The following SBNO1 variants were observed in gnomAD, a reference collection of about 807,000 sequenced individuals.
SBNO1 encodes protein strawberry notch homolog 1.
Under a neutral mutation model 173.6 loss-of-function variants are expected in SBNO1, and 23 were observed. That is an observed-to-expected ratio of 0.13 (90% CI 0.10 to 0.19). The LOEUF (loss-of-function observed/expected upper bound fraction) is 0.19. SBNO1 is among the 10% of genes least tolerant of loss of function. The pLI, the probability that SBNO1 is intolerant of heterozygous loss-of-function variation, is 1.00. For synonymous variants in SBNO1, 632 were observed against 571.5 expected (o/e 1.11, Z -1.51); for missense variants, 1,238 against 1,671.2 (o/e 0.74, Z 4.52).
In SBNO1 at chr12:123,304,658, A is replaced by T. The variant is rs569461126; in HGVS notation, c.3692T>A (p.Phe1231Tyr). The T allele has an allele frequency of 8.2e-5, 129 of 1,570,986 alleles. 1 individual carries two copies. The Admixed American group carries it at 1.6e-3, about 19-fold the overall frequency. Reference sequence around the variant, plus strand: ...CCCAGTATTTGGTCGATAAACTAAGAAAAGTTTCTTTTTAGGATTCACTTC... The same window carrying T: ...CCCAGTATTTGGTCGATAAACTAAGTAAAGTTTCTTTTTAGGATTCACTTC... ...VKEVNPKKKL[F>Y]LVYRPNTGKQ... Residue 1231 changes from phenylalanine to tyrosine, a missense_variant, in exon 29 of 32, where the codon TTC becomes TAC. Coordinates refer to ENST00000602398, the MANE Select transcript of SBNO1 (RefSeq NM_001167856.3).
Position 123,294,670 on chromosome 12 carries a change from G to GAAAAGAAAGA in SBNO1, c.*1228_*1237dup, listed in dbSNP as rs1555243032. 1,412 of 98,560 alleles carry GAAAAGAAAGA rather than the reference G, an allele frequency of 0.014. 13 individuals carry two copies. Among genetic ancestry groups the GAAAAGAAAGA allele is most frequent in the African/African-American group, 0.052 (1,267 of 24,226 alleles). 6.1% of individuals were successfully genotyped at this position (98,560 alleles called of 1,614,324 possible). A position where few individuals can be genotyped will look rare whatever the true frequency, so the allele number is the denominator to read the frequency against. On this transcript the variant is annotated 3_prime_UTR_variant, in exon 32 of 32. Transcript: ENST00000602398. Reference sequence around the variant, plus strand: ...AAAAAAAAAAAAAAAAAGAAAAAAAGAAAAGAAAGAAAAAGAAAGAAAAGA... The same window carrying GAAAAGAAAGA: ...AAAAAAAAAAAAAAAAAGAAAAAAAGAAAAGAAAGAAAAAGAAAGAAAAAGAAAGAAAAGA...
chr12:123,311,140 A>G lies in SBNO1; in HGVS notation c.3221-11T>C. 6.2e-7 allele frequency: 1 copy of G among 1,604,858 alleles called. No individual in the cohort carries two copies. The highest frequency in any genetic ancestry group is 8.5e-7 in the Non-Finnish European group (1 of 1,171,674). ...GTCCTTGTCGAACATCTGTAAGAAC[A>G]GGATCAATTCTGACTCATAAATTAC... On this transcript the variant is annotated splice_polypyrimidine_tract_variant and intron_variant, in intron 24 of 31. Transcript: ENST00000602398.
chr12:123,327,811 A>C lies in SBNO1; in HGVS notation c.1434T>G (p.Gly478=), dbSNP rs1330493347. Residue 478 remains glycine (G), a splice_region_variant and synonymous_variant, in exon 12 of 32, where the codon GGT becomes GGG. Coordinates refer to ENST00000602398, the MANE Select transcript of SBNO1 (RefSeq NM_001167856.3). ...AGGCCATGTTGCGTGGTTCAGAAGC[A>C]CCTGAAAATCCCACAAATGAAATAT... ...KARVVYASAT[G]ASEPRNMAYM... The C allele has an allele frequency of 8.1e-6, 13 of 1,612,594 alleles. No homozygotes were observed. The highest frequency in any genetic ancestry group is 1.1e-5 in the Non-Finnish European group (13 of 1,179,006).
intron 2 of SBNO1, among the ~76,000 whole-genome samples, chr12:123,349,881 C>A (rs1295775623): frequency 6.6e-6 from 1 of 151,888 alleles, no homozygotes; most frequent in Non-Finnish European, 1.5e-5. Flanking sequence ...CCACTGCACT[C>A]CAGCCTGGGT....
At chr12:123,363,135 G>A (rs1875580297) in intron 1 of SBNO1, among the ~76,000 whole-genome samples, 1 of 152,084 alleles carries the variant, frequency 6.6e-6, no homozygotes, top group African/African-American at 2.4e-5. Flanking sequence ...TATGGAATAA[G>A]TTGGAATGGA....
At chr12:123,305,722 C>A (rs1346892383) in intron 28 of SBNO1, among the ~76,000 whole-genome samples, 1 of 152,112 alleles carries the variant, frequency 6.6e-6, no homozygotes, top group East Asian at 1.9e-4. Context: ...ATCCACCCGC[C>A]CCGGCCTCCC....
chr12:123,331,852 TTTC>T (rs1483021117), intron 7 of SBNO1, among the ~76,000 whole-genome samples: 2 of 150,946 alleles, frequency 1.3e-5, no homozygotes, highest in African/African-American at 2.4e-5. Flanking sequence ...ATGTGGATAC[TTTC>T]TTTTTTTTCT....
intron 28 of SBNO1, among the ~76,000 whole-genome samples, chr12:123,308,613 T>C (rs1324554922): frequency 6.6e-6 from 1 of 151,916 alleles, no homozygotes; most frequent in African/African-American, 2.4e-5. Flanking sequence ...AGGTGGAGCT[T>C]GCAGTGAGCC....
At chr12:123,337,247 G>A (rs771412625) in intron 5 of SBNO1, among the ~76,000 whole-genome samples, 5 of 152,162 alleles carry the variant, frequency 3.3e-5, no homozygotes, top group African/African-American at 4.8e-5. Flanking sequence ...TGGTCACCAC[G>A]GTTATGCTTC....
intron 9 of SBNO1, 134 bp from the exon 10 acceptor site, chr12:123,329,029 A>G: frequency 1.9e-6 from 1 of 539,880 alleles, no homozygotes; most frequent in Non-Finnish European, 3.2e-6. Flanking sequence ...AAGTACAGAG[A>G]CGCAAATTTA....
intron 7 of SBNO1, among the ~76,000 whole-genome samples, chr12:123,332,900 G>A (rs111539247): frequency 0.029 from 4,457 of 152,184 alleles, 218 homozygotes; most frequent in African/African-American, 0.1. Context: ...CGAGATGGGT[G>A]GATCATGAGG....
Position 123,304,653 on chromosome 12 carries a change from C to T in SBNO1, c.3697G>A (p.Val1233Ile). 1.3e-6 allele frequency: 2 copies of T among 1,572,350 alleles called. No homozygotes were observed. Among genetic ancestry groups the T allele is most frequent in the South Asian group, 1.1e-5 (1 of 89,226 alleles). Residue 1233 changes from valine (V) to isoleucine (I), a missense_variant, in exon 29 of 32, where the codon GTT becomes ATT. Physicochemically the swap from Val to Ile is conservative, Grantham distance 29. This residue lies in a region of SBNO1 where 351 missense variants were observed against 420.3 expected (regional missense o/e 0.84). Coordinates refer to ENST00000602398, the MANE Select transcript of SBNO1 (RefSeq NM_001167856.3). ...EVNPKKKLFLVYRPNTGKQLK... is the reference protein window; with the variant it reads ...EVNPKKKLFLIYRPNTGKQLK... ...TGCTTCCCAGTATTTGGTCGATAAA[C>T]TAAGAAAAGTTTCTTTTTAGGATTC...
chr12:123,295,678 G>A lies in SBNO1; in HGVS notation c.*230C>T. The A allele has an allele frequency of 1.9e-6, 1 of 513,394 alleles. No homozygotes were observed. The highest frequency in any genetic ancestry group is 3.1e-5 in the East Asian group (1 of 31,986). 31.8% of individuals were successfully genotyped at this position (513,394 alleles called of 1,614,324 possible). A position where few individuals can be genotyped will look rare whatever the true frequency, so the allele number is the denominator to read the frequency against. On this transcript the variant is annotated 3_prime_UTR_variant, in exon 32 of 32. Coordinates refer to ENST00000602398, the MANE Select transcript of SBNO1 (RefSeq NM_001167856.3). ...CCTCTGCTCACCCGAAGTAAAAGCA[G>A]ATGGGAATTATCAGGGGAGAAGCTA...
chr12:123,349,103 T>A (rs963932531), intron 2 of SBNO1: 20 of 151,968 alleles, frequency 1.3e-4, no homozygotes, highest in Admixed American at 3.9e-4. Context: ...GACCAGTCTA[T>A]TTTTTTATTT....
intron 7 of SBNO1, 93 bp from the exon 8 acceptor site, chr12:123,331,468 GTTT>G (rs2139004178): frequency 1.8e-6 from 1 of 560,540 alleles, no homozygotes; most frequent in East Asian, 3.9e-5. Flanking sequence ...AATATGTTAT[GTTT>G]TTTGTTTTGT....
chr12:123,341,174 C>T (rs559936441), intron 4 of SBNO1, 86 bp from the exon 5 acceptor site: 26 of 751,884 alleles, frequency 3.5e-5, no homozygotes, highest in African/African-American at 5.4e-5. Context: ...TTTAAGGCTG[C>T]TGCGGTGGCT....
intron 21 of SBNO1, among the ~76,000 whole-genome samples, chr12:123,316,149 CATATACT>C (rs145186352): frequency 0.016 from 2,485 of 152,224 alleles, 59 homozygotes; most frequent in African/African-American, 0.055. Context: ...CACAATGCAT[CATATACT>C]ATAAAGTATA....
rs1244983565 is a variant in SBNO1 at position 123,348,125 on chromosome 12, T to A, written c.141A>T (p.Pro47=). ...MPTPSVQQSV[P]LSALELGLET... ...CCAAACCTAGTTCTAATGCACTAAG[T>A]GGCACTGACTGGAGAGAAAACAACA... Residue 47 remains proline (P), a synonymous_variant, in exon 3 of 32, where the codon CCA becomes CCT. Transcript: ENST00000602398. The A allele has an allele frequency of 1.2e-5, 19 of 1,592,708 alleles. No homozygotes were observed. The highest frequency in any genetic ancestry group is 1.6e-5 in the Non-Finnish European group (19 of 1,163,584).
At chr12:123,324,874 T>C (rs2138982417) in intron 15 of SBNO1, among the ~76,000 whole-genome samples, 1 of 152,106 alleles carries the variant, frequency 6.6e-6, no homozygotes, top group South Asian at 2.1e-4. Context: ...AGTGGTGCGA[T>C]CTTGGCTCAC....
Sources: gnomAD v4.1 joint callset for allele counts (sites outside exome capture counted in the v4.1 genomes callset) on GRCh38, gnomAD v4.1.1 for gene constraint, gnomAD v4.1.1 regional missense constraint, MANE v1.5 for transcripts, NCBI Gene and HGNC (gene_info 2026-07-23, HGNC 2026-07-21) for gene names.